Variants in TMBIM4 observed in about 807,000 individuals in gnomAD.
TMBIM4 encodes protein lifeguard 4.
TMBIM4 carries 28 observed loss-of-function variants against 27.7 expected under a neutral mutation model. The observed-to-expected ratio is 1.01, with a 90% CI of 0.75 to 1.38. The LOEUF is 1.38. Ranked by LOEUF, TMBIM4 falls within the 40% of genes most tolerant of loss-of-function variation. The pLI, the probability that TMBIM4 is intolerant of heterozygous loss-of-function variation, is 0.00. For missense variants in TMBIM4, 265 were observed against 277.5 expected, an observed-to-expected ratio of 0.95 and a Z score of 0.32; for synonymous variants, 115 against 113.1, an observed-to-expected ratio of 1.02 and a Z score of -0.11.
At chr12:66,139,477 G>C (rs768889975) in intron 5 of TMBIM4, among the ~76,000 whole-genome samples, 14 of 152,194 alleles carry the variant, frequency 9.2e-5, no homozygotes, top group Non-Finnish European at 1.9e-4. Flanking sequence ...GCACAGGACA[G>C]GGATTCCTGA....
At chr12:66,154,552 C>T (rs1312803374) in intron 1 of TMBIM4, among the ~76,000 whole-genome samples, 1 of 152,062 alleles carries the variant, frequency 6.6e-6, no homozygotes, top group South Asian at 2.1e-4. Context: ...ATAATGGAGC[C>T]ACTGCTTAGA....
intron 5 of TMBIM4, 42 bp from the exon 6 acceptor site, chr12:66,138,811 AC>A: frequency 6.9e-7 from 1 of 1,451,462 alleles, no homozygotes; most frequent in Non-Finnish European, 9.1e-7. Context: ...ATTGTTCCTT[AC>A]AAAAAAACTT....
At chr12:66,169,758 G>T (rs1210534547) in intron 1 of TMBIM4, 97 bp downstream of exon 1, 2 of 976,036 alleles carry the variant, frequency 2.0e-6, no homozygotes, top group Non-Finnish European at 2.9e-6. Context: ...GTGAGTCCCA[G>T]GAGATGGCCG....
At chr12:66,167,372 ACT>A (rs1384960154) in intron 1 of TMBIM4, among the ~76,000 whole-genome samples, 1 of 152,098 alleles carries the variant, frequency 6.6e-6, no homozygotes, top group Non-Finnish European at 1.5e-5. Flanking sequence ...GTATATAAGA[ACT>A]CTGTTCTTTC....
chr12:66,169,207 G>C, intron 1 of TMBIM4: 8 of 692,106 alleles, frequency 1.2e-5, no homozygotes, highest in Non-Finnish European at 2.1e-5. Context: ...TGGCTTCCAC[G>C]TAGATGAAGC....
intron 3 of TMBIM4, among the ~76,000 whole-genome samples, chr12:66,150,756 G>A (rs2051832772): frequency 6.6e-6 from 1 of 152,184 alleles, no homozygotes; most frequent in Non-Finnish European, 1.5e-5. Context: ...AGAGATTGAA[G>A]CAATGGCAGT....
chr12:66,168,429 G>C (rs2052171163), intron 1 of TMBIM4, among the ~76,000 whole-genome samples: 1 of 152,050 alleles, frequency 6.6e-6, no homozygotes, highest in African/African-American at 2.4e-5. Context: ...TTTCAGTTTT[G>C]CAAGATTAAA....
At chr12:66,167,462 G>A (rs2052151062) in intron 1 of TMBIM4, among the ~76,000 whole-genome samples, 1 of 152,150 alleles carries the variant, frequency 6.6e-6, no homozygotes, top group Non-Finnish European at 1.5e-5. Context: ...TTTCTCCAAG[G>A]AAAATGTATA....
chr12:66,153,733 AG>A (rs2051889511), intron 1 of TMBIM4, among the ~76,000 whole-genome samples: 1 of 152,180 alleles, frequency 6.6e-6, no homozygotes, highest in Non-Finnish European at 1.5e-5. Context: ...TTAAATGCCT[AG>A]TTGTACACAG....
intron 1 of TMBIM4, among the ~76,000 whole-genome samples, chr12:66,156,601 A>G (rs1185628): frequency 0.039 from 5,876 of 152,242 alleles, 387 homozygotes; most frequent in African/African-American, 0.13. Flanking sequence ...AAACCATATC[A>G]TGTGACTCTG....
At chr12:66,164,760 G>T (rs1453982313) in intron 1 of TMBIM4, among the ~76,000 whole-genome samples, 1 of 152,084 alleles carries the variant, frequency 6.6e-6, no homozygotes, top group East Asian at 1.9e-4. Flanking sequence ...GCAAGAAAAA[G>T]AAATAAAAGG....
At chr12:66,138,864 G>C in intron 5 of TMBIM4, 95 bp from the exon 6 acceptor site, 1 of 1,342,746 alleles carries the variant, frequency 7.4e-7, no homozygotes, top group Non-Finnish European at 9.6e-7. Context: ...CATCCATCTG[G>C]ATTTTTTGCT....
intron 2 of TMBIM4, 141 bp downstream of exon 2, chr12:66,153,199 A>G (rs1285760448): frequency 1.8e-6 from 1 of 541,708 alleles, no homozygotes; most frequent in Non-Finnish European, 3.2e-6. Context: ...AAACAAAACT[A>G]ATCAGGCTTA....
At chr12:66,155,506 ATTT>A (rs1238003123) in intron 1 of TMBIM4, among the ~76,000 whole-genome samples, 2 of 151,992 alleles carry the variant, frequency 1.3e-5, no homozygotes, top group Non-Finnish European at 2.9e-5. Context: ...CGCCCAGCTA[ATTT>A]TTTTGTAGAG....
chr12:66,162,869 C>T (rs994368794), intron 1 of TMBIM4, among the ~76,000 whole-genome samples: 3 of 152,182 alleles, frequency 2.0e-5, no homozygotes, highest in Non-Finnish European at 2.9e-5. Context: ...CCAAACTTGG[C>T]GCTTTAGAAT....
At chr12:66,166,609 A>G (rs2052135003) in intron 1 of TMBIM4, among the ~76,000 whole-genome samples, 1 of 152,230 alleles carries the variant, frequency 6.6e-6, no homozygotes, top group South Asian at 2.1e-4. Context: ...CTACACACCT[A>G]TTAAATGGTC....
At chr12:66,143,131 T>C (rs778148284) in intron 5 of TMBIM4, among the ~76,000 whole-genome samples, 6 of 152,186 alleles carry the variant, frequency 3.9e-5, no homozygotes, top group Non-Finnish European at 8.8e-5. Flanking sequence ...CTGTAGATAC[T>C]GTAACAGGTA....
intron 5 of TMBIM4, among the ~76,000 whole-genome samples, chr12:66,142,692 T>C (rs952168860): frequency 6.9e-6 from 1 of 144,308 alleles, no homozygotes; most frequent in Non-Finnish European, 1.5e-5. Context: ...CTGTTCACTA[T>C]TGGAAAAAAA....
chr12:66,146,237 T>C (rs1015053082), intron 4 of TMBIM4, among the ~76,000 whole-genome samples: 3 of 152,182 alleles, frequency 2.0e-5, no homozygotes, highest in Admixed American at 1.3e-4. Flanking sequence ...GTAGCCAGTT[T>C]GGAGTTCTAC....
Sources: gnomAD v4.1 joint callset for allele counts (sites outside exome capture counted in the v4.1 genomes callset) on GRCh38, gnomAD v4.1.1 for gene constraint, MANE v1.5 for transcripts, NCBI Gene and HGNC (gene_info 2026-07-23, HGNC 2026-07-21) for gene names.